Variants in PCDHGA3 observed in about 807,000 individuals in gnomAD.
PCDHGA3 encodes protocadherin gamma subfamily A, 3.
A neutral mutation model predicts 58.5 loss-of-function variants in PCDHGA3; 40 were observed. That is an observed-to-expected ratio of 0.68 (90% CI 0.53 to 0.89). PCDHGA3 has a LOEUF of 0.89. Ranked by LOEUF, PCDHGA3 falls within the 40% of genes least tolerant of loss-of-function variation. The pLI is 0.00. For synonymous variants in PCDHGA3, 530 were observed against 525.7 expected, an observed-to-expected ratio of 1.01 and a Z score of -0.11; for missense variants, 1,223 against 1,195.9, an observed-to-expected ratio of 1.02 and a Z score of -0.33.
At chr5:141,355,082 G>A (rs1759709417) in intron 1 of PCDHGA3, 7 of 1,429,092 alleles carry the variant, frequency 4.9e-6, no homozygotes, top group East Asian at 4.7e-5. Flanking sequence ...AGCTTCAAGC[G>A]GAAGCCCTGA....
rs772255956 is a variant in PCDHGA3 at position 141,361,360 on chromosome 5, G to T, written c.2424+14903G>T. ...CTATTACAAACTAGTGACAGACGGC[G>T]CTCTGGACCGGGAGGAGATCCCAGA... On this transcript the variant is annotated intron_variant, in intron 1 of 3. Coordinates refer to ENST00000253812, the MANE Select transcript of PCDHGA3 (RefSeq NM_018916.4). 3.1e-6 allele frequency: 5 copies of T among 1,613,944 alleles called. No homozygotes were observed. In the Admixed American group the frequency reaches 5.0e-5, roughly 16 times the overall value.
intron 3 of PCDHGA3, 43 bp downstream of exon 3, chr5:141,505,524 G>A: frequency 6.2e-7 from 1 of 1,612,712 alleles, no homozygotes; most frequent in Non-Finnish European, 8.5e-7. Context: ...GGAGACCTGG[G>A]GTTCTGGGGT....
intron 1 of PCDHGA3, chr5:141,405,052 C>G (rs182635391): frequency 4.3e-6 from 7 of 1,613,836 alleles, no homozygotes; most frequent in Non-Finnish European, 5.9e-6. Context: ...TGGCAGTCGT[C>G]TCCTGTGTCT....
chr5:141,390,189 G>A (rs1295174277), intron 1 of PCDHGA3: 3 of 1,613,922 alleles, frequency 1.9e-6, no homozygotes, highest in East Asian at 2.2e-5. Flanking sequence ...AAAATGTAGT[G>A]AGCAGTTGAG....
At chr5:141,350,309 C>G in intron 1 of PCDHGA3, 1 of 1,522,304 alleles carries the variant, frequency 6.6e-7, no homozygotes, top group Non-Finnish European at 8.8e-7. Flanking sequence ...GGTACTGTTT[C>G]CCTTCCTGCT....
At position 141,374,492 on chromosome 5, in the gene PCDHGA3, G is replaced by A. The variant is rs770971184; in HGVS notation, c.2424+28035G>A. The A allele has an allele frequency of 5.3e-5, 85 of 1,611,364 alleles. No individual in the cohort carries two copies. The highest frequency in any genetic ancestry group is 6.9e-5 in the Non-Finnish European group (81 of 1,177,766). On this transcript the variant is annotated intron_variant, in intron 1 of 3. Transcript: ENST00000253812. ...CAATACACCCCGATTCTTAAAGGAA[G>A]AATTGGAAGTGAAAATTCTCGAAAA... is the stretch of plus-strand genomic sequence containing the variant.
At chr5:141,459,531 A>G (rs1479666418) in intron 1 of PCDHGA3, among the ~76,000 whole-genome samples, 2 of 152,184 alleles carry the variant, frequency 1.3e-5, no homozygotes, top group Admixed American at 1.3e-4. Context: ...TTTTGTAGGC[A>G]TATTTTTTTT....
chr5:141,422,699 C>G (rs765368737), intron 1 of PCDHGA3: 2 of 1,603,420 alleles, frequency 1.2e-6, no homozygotes, highest in South Asian at 1.1e-5. Context: ...GTCACTTACT[C>G]TCTGACGGAT....
chr5:141,361,556 T>C, intron 1 of PCDHGA3: 1 of 1,614,058 alleles, frequency 6.2e-7, no homozygotes, highest in Non-Finnish European at 8.5e-7. Context: ...ATCGCTCAAA[T>C]CAGTGCCTCT....
At chr5:141,364,229 C>T in intron 1 of PCDHGA3, 1 of 1,388,080 alleles carries the variant, frequency 7.2e-7, no homozygotes, top group Non-Finnish European at 9.6e-7. Context: ...GCCAACGCTC[C>T]ACGCCCATTT....
chr5:141,425,401 T>C (rs1280463432), intron 1 of PCDHGA3, among the ~76,000 whole-genome samples: 1 of 152,234 alleles, frequency 6.6e-6, no homozygotes, highest in Non-Finnish European at 1.5e-5. Context: ...AAAGTTCTGT[T>C]AAGGTATAAC....
chr5:141,420,519 A>G (rs1056198647), intron 1 of PCDHGA3: 1 of 387,066 alleles, frequency 2.6e-6, no homozygotes, highest in African/African-American at 2.1e-5. Flanking sequence ...GAAGTAAAAT[A>G]CCTTTCGGTT....
At chr5:141,362,244 C>G (rs1380837904) in intron 1 of PCDHGA3, 2 of 1,613,944 alleles carry the variant, frequency 1.2e-6, no homozygotes, top group Non-Finnish European at 8.5e-7. Flanking sequence ...CAGTGCTCTT[C>G]TTCCTCGCGG....
chr5:141,372,713 A>T, intron 1 of PCDHGA3: 2 of 1,613,998 alleles, frequency 1.2e-6, no homozygotes, highest in South Asian at 2.2e-5. Flanking sequence ...TAAAGGCTGA[A>T]AATGCTGCAC....
At chr5:141,427,440 G>A (rs747459662) in intron 1 of PCDHGA3, 1 of 477,484 alleles carries the variant, frequency 2.1e-6, no homozygotes, top group South Asian at 1.5e-5. Flanking sequence ...CCTCATAAAC[G>A]AAAGAGTTCC....
chr5:141,394,395 C>G (rs1238779909), intron 1 of PCDHGA3: 2 of 1,614,146 alleles, frequency 1.2e-6, no homozygotes, highest in Non-Finnish European at 1.7e-6. Context: ...GATCCGAGAC[C>G]TGCAGCTACT....
chr5:141,421,163 G>C, intron 1 of PCDHGA3: 2 of 1,276,926 alleles, frequency 1.6e-6, no homozygotes, highest in Non-Finnish European at 2.1e-6. Flanking sequence ...GGACTTCATA[G>C]ATACATAAGC....
chr5:141,403,707 T>C (rs2094445205), intron 1 of PCDHGA3: 2 of 1,613,778 alleles, frequency 1.2e-6, no homozygotes, highest in African/African-American at 2.7e-5. Flanking sequence ...GTTAAAGTCC[T>C]TGAGAACGTG....
chr5:141,472,769 T>C (rs2154571402), intron 1 of PCDHGA3, among the ~76,000 whole-genome samples: 1 of 151,816 alleles, frequency 6.6e-6, no homozygotes, highest in South Asian at 2.1e-4. Context: ...GCAGATCACC[T>C]GAGGTTGGGA....
Sources: allele counts gnomAD v4.1 joint callset (sites outside exome capture counted in the v4.1 genomes callset), GRCh38; gene constraint gnomAD v4.1.1; transcripts MANE v1.5; gene names NCBI Gene and HGNC (gene_info 2026-07-23, HGNC 2026-07-21).